The following LY6G6C variants were observed in gnomAD, a reference collection of about 807,000 sequenced individuals.
The protein encoded by LY6G6C is lymphocyte antigen 6 complex locus protein G6c.
Under a neutral mutation model 12.8 loss-of-function variants are expected in LY6G6C, and 12 were observed. That is an observed-to-expected ratio of 0.94 (90% CI 0.60 to 1.52). The LOEUF (loss-of-function observed/expected upper bound fraction) is 1.52. Ranked by LOEUF, LY6G6C falls within the 40% of genes most tolerant of loss-of-function variation. LY6G6C has a pLI of 0.00. For synonymous variants in LY6G6C, 42 were observed against 61.6 expected (o/e 0.68, Z 1.49); for missense variants, 125 against 155.8 (o/e 0.80, Z 1.05).
intron 1 of LY6G6C, 82 bp downstream of exon 1, chr6:31,721,546 G>T: frequency 7.5e-7 from 1 of 1,330,192 alleles, no homozygotes; most frequent in Non-Finnish European, 1.1e-6. Flanking sequence ...CCCGAGTGGT[G>T]GGTAGGGCCG....
intron 2 of LY6G6C, among the ~76,000 whole-genome samples, chr6:31,719,604 T>G (rs1293707528): frequency 3.9e-5 from 6 of 152,158 alleles, no homozygotes; most frequent in African/African-American, 1.4e-4. Context: ...TGGTGCCATC[T>G]CAGCTCACTG....
In LY6G6C at chr6:31,720,855, G is replaced by T. The variant is rs1471088624; in HGVS notation, c.53-652C>A. On this transcript the variant is annotated intron_variant, in intron 1 of 2. Coordinates refer to ENST00000375819, the MANE Select transcript of LY6G6C (RefSeq NM_025261.3). The surrounding 1 kb of genome is among the most constrained non-coding windows in gnomAD (Gnocchi z 4.9). ...CAAAATGGAGAGGGTGGATACAGAA[G>T]GTGGCACCCCAAGTTTCCTGCTTCA... The T allele has an allele frequency of 3.3e-5, 5 of 152,288 alleles. No individual in the cohort carries two copies. The highest frequency in any genetic ancestry group is 4.8e-5 in the African/African-American group (2 of 41,454). 9.4% of individuals were successfully genotyped at this position (152,288 alleles called of 1,614,324 possible).
In LY6G6C at chr6:31,719,265, T is replaced by C. The variant is rs1424271159; in HGVS notation, c.209A>G (p.Glu70Gly). ...TTGGTTGAAGGCCTCCTGACAGGGC[T>C]CTTCTGGTGTGCCACAGCGCAGATT... is the stretch of plus-strand genomic sequence containing the variant. ...FSNLRCGTPE[E>G]PCQEAFNQTN... Residue 70 changes from glutamate to glycine, a missense_variant, in exon 3 of 3, where the codon GAG becomes GGG. Glu to Gly is a moderately conservative substitution (Grantham distance 98). Coordinates refer to ENST00000375819, the MANE Select transcript of LY6G6C (RefSeq NM_025261.3). 1 of 1,614,128 alleles carries C rather than the reference T, an allele frequency of 6.2e-7. No individual in the cohort carries two copies. The highest frequency in any genetic ancestry group is 1.1e-5 in the South Asian group (1 of 91,078).
rs563382034 is a variant in LY6G6C at position 31,718,739 on chromosome 6, T to C, written c.*357A>G. The C allele has an allele frequency of 1.1e-5, 4 of 380,390 alleles. No homozygotes were observed. The South Asian group carries it at 2.4e-4, about 23-fold the overall frequency. The allele number at this position is 380,390 out of a possible 1,614,324, so 23.6% of individuals were successfully genotyped here. ...GCCTGGGTTTGGGGAGTCAGCTCTG[T>C]ACAGTGAGGTCATCAGGTCCTTGTG... On this transcript the variant is annotated 3_prime_UTR_variant, in exon 3 of 3. Transcript: ENST00000375819.
intron 2 of LY6G6C, 127 bp downstream of exon 2, chr6:31,719,966 T>C (rs1806696308): frequency 4.6e-6 from 3 of 645,752 alleles, no homozygotes; most frequent in Non-Finnish European, 8.2e-6. Flanking sequence ...ACAACCATCT[T>C]TGGCCAAATA....
In LY6G6C at chr6:31,719,250, G is replaced by T. The variant is rs117894946; in HGVS notation, c.224C>A (p.Ala75Asp). 6 of 1,614,212 alleles carry T rather than the reference G, an allele frequency of 3.7e-6. No individual in the cohort carries two copies. The highest frequency in any genetic ancestry group is 3.4e-6 in the Non-Finnish European group (4 of 1,180,036). Residue 75 changes from alanine (A) to aspartate (D), a missense_variant, in exon 3 of 3, where the codon GCC (alanine) becomes GAC (aspartate). By Grantham distance (126) the Ala-to-Asp change is moderately radical (BLOSUM62 -2). Transcript: ENST00000375819. Reference protein sequence around the residue: ...CGTPEEPCQEAFNQTNRKLGL... With the variant: ...CGTPEEPCQEDFNQTNRKLGL... The stretch of plus-strand genomic sequence containing the variant: ...CAGCTTGCGGTTGGTTTGGTTGAAG[G>T]CCTCCTGACAGGGCTCTTCTGGTGT...
intron 1 of LY6G6C, 27 bp downstream of exon 1, chr6:31,721,601 A>G (rs759142986): frequency 6.2e-7 from 1 of 1,610,568 alleles, no homozygotes; most frequent in Non-Finnish European, 8.5e-7. Context: ...CAGGCAAACC[A>G]GGTCTTTGGG....
intron 2 of LY6G6C, among the ~76,000 whole-genome samples, chr6:31,719,662 G>A (rs1034254749): frequency 1.3e-5 from 2 of 151,964 alleles, no homozygotes; most frequent in Admixed American, 6.6e-5. Flanking sequence ...TCAGCCTCCC[G>A]AGTAGCTGGG....
chr6:31,721,573 G>T, intron 1 of LY6G6C, 55 bp downstream of exon 1: 1 of 1,542,712 alleles, frequency 6.5e-7, no homozygotes, highest in Non-Finnish European at 8.9e-7. Context: ...GGGTAGAGCA[G>T]GGTGTAAAGG....
chr6:31,719,184 C>G lies in LY6G6C; in HGVS notation c.290G>C (p.Cys97Ser). 2 of 1,614,120 alleles carry G rather than the reference C, an allele frequency of 1.2e-6. No homozygotes were observed. The highest frequency in any genetic ancestry group is 1.7e-6 in the Non-Finnish European group (2 of 1,180,016). Residue 97 changes from cysteine (C) to serine (S), a missense_variant, in exon 3 of 3, where the codon TGC becomes TCC. Transcript: ENST00000375819. ...AGTGGGCCGGGGTCCTGCGCTGTTG[C>G]AGTTGTCCTTGTTGCAGCAGGTGGT... Reference protein sequence around the residue: ...YNTTCCNKDNCNSAGPRPTPA... With the variant: ...YNTTCCNKDNSNSAGPRPTPA...
rs745411305 is a variant in LY6G6C, at chr6:31,719,048, G to A, written c.*48C>T. On this transcript the variant is annotated 3_prime_UTR_variant, in exon 3 of 3. Transcript: ENST00000375819. ...GGGGATACAGAGACACAGGGAGAGA[G>A]GCTCAGGCCAAGGCAGGTGGGAGGA... 5.9e-5 allele frequency: 89 copies of A among 1,510,164 alleles called. No individual in the cohort carries two copies. The highest frequency in any genetic ancestry group is 8.1e-5 in the Non-Finnish European group (88 of 1,090,484). The allele number at this position is 1,510,164 out of a possible 1,614,324, so 93.5% of individuals were successfully genotyped here.
At position 31,720,064 on chromosome 6, in the gene LY6G6C, G is replaced by A. The variant is rs753138600; in HGVS notation, c.163+29C>T. On this transcript the variant is annotated intron_variant, in intron 2 of 2. Transcript: ENST00000375819. The surrounding 1 kb of genome is among the most constrained non-coding windows in gnomAD (Gnocchi z 4.9). ...TGGTCATAGAGGCTCCCACCTCCCT[G>A]TTCACCCCACTAAGGAAGGGGATGT... The A allele has an allele frequency of 3.3e-6, 5 of 1,528,330 alleles. No homozygotes were observed. In the South Asian group the frequency reaches 4.5e-5, roughly 14 times the overall value. The allele number at this position is 1,528,330 out of a possible 1,614,324, so 94.7% of individuals were successfully genotyped here.
chr6:31,718,698 T>G lies in LY6G6C; in HGVS notation c.*398A>C. 2 of 256,080 alleles carry G rather than the reference T, an allele frequency of 7.8e-6. No individual in the cohort carries two copies. The highest frequency in any genetic ancestry group is 1.4e-4 in the South Asian group (1 of 7,062). 15.9% of individuals were successfully genotyped at this position (256,080 alleles called of 1,614,324 possible). A position where few individuals can be genotyped will look rare whatever the true frequency, so the allele number is the denominator to read the frequency against. ...AATGGAAAGAGGTGAGTATGGGGGA[T>G]GGGGTACATATGGGAGCCTGGGTTT... On this transcript the variant is annotated 3_prime_UTR_variant, in exon 3 of 3. Transcript: ENST00000375819.
chr6:31,719,640 G>A (rs200685376), intron 2 of LY6G6C, among the ~76,000 whole-genome samples: 21 of 152,182 alleles, frequency 1.4e-4, no homozygotes, highest in Middle Eastern at 3.4e-3. Flanking sequence ...AGGTTCAAGC[G>A]ATTCTCCTGC....
rs762935702 is a variant in LY6G6C at position 31,719,261 on chromosome 6, G to T, written c.213C>A (p.Pro71=). ...TGGTTTGGTTGAAGGCCTCCTGACAGGGCTCTTCTGGTGTGCCACAGCGCA... is the reference window on the plus strand; with the variant it reads ...TGGTTTGGTTGAAGGCCTCCTGACATGGCTCTTCTGGTGTGCCACAGCGCA... ...SNLRCGTPEE[P]CQEAFNQTNR... The change falls in exon 3 of 3, where the codon CCC becomes CCA. Residue 71 remains proline (P), a synonymous_variant. Transcript: ENST00000375819. 2 of 1,614,048 alleles carry T rather than the reference G, an allele frequency of 1.2e-6. No individual in the cohort carries two copies.
Position 31,720,030 on chromosome 6 carries a change from C to T in LY6G6C, c.163+63G>A. The T allele has an allele frequency of 3.5e-6, 4 of 1,136,894 alleles. No individual in the cohort carries two copies. Among genetic ancestry groups the T allele is most frequent in the Non-Finnish European group, 5.3e-6 (4 of 754,520 alleles). The allele number at this position is 1,136,894 out of a possible 1,614,324, so 70.4% of individuals were successfully genotyped here. On this transcript the variant is annotated intron_variant, in intron 2 of 2. Transcript: ENST00000375819. This position sits in a 1 kb window ranked among gnomAD's most constrained non-coding sequence, Gnocchi z 4.9. ...CATCTCAGTCTTAGACCCATTTGGGCCTCAGTCCTGGTCATAGAGGCTCCC... is the reference window on the plus strand; with the variant it reads ...CATCTCAGTCTTAGACCCATTTGGGTCTCAGTCCTGGTCATAGAGGCTCCC...
In LY6G6C at chr6:31,720,129, G is replaced by A. The variant is rs775714624; in HGVS notation, c.127C>T (p.Pro43Ser). 2.2e-5 allele frequency: 36 copies of A among 1,612,928 alleles called. No individual in the cohort carries two copies. Among genetic ancestry groups the A allele is most frequent in the Non-Finnish European group, 3.0e-5 (35 of 1,179,942 alleles). The change falls in exon 2 of 3, where the codon CCA (proline) becomes TCA (serine). Residue 43 changes from proline (P) to serine (S), a missense_variant. Physicochemically the swap from Pro to Ser is moderately conservative, Grantham distance 74. Coordinates refer to ENST00000375819, the MANE Select transcript of LY6G6C (RefSeq NM_025261.3). This position sits in a 1 kb window ranked among gnomAD's most constrained non-coding sequence, Gnocchi z 4.9. ...TGTGTTGTCAGGCATTGCTGTCCTG[G>A]CTCCAGGCGGCAGGACTGCCGGTCC... ...CVDRQSCRLE[P>S]GQQCLTTHAY...
chr6:31,721,442 C>A (rs541347834), intron 1 of LY6G6C, among the ~76,000 whole-genome samples, 186 bp downstream of exon 1: 25 of 151,822 alleles, frequency 1.6e-4, no homozygotes, highest in South Asian at 1.3e-3. Context: ...GGAGACCTGG[C>A]TTTTTGAGAA....
intron 1 of LY6G6C, 95 bp downstream of exon 1, chr6:31,721,533 G>A: frequency 2.6e-6 from 3 of 1,173,966 alleles, no homozygotes; most frequent in Non-Finnish European, 3.7e-6. Context: ...GGGGTGTTGG[G>A]ATCCCGAGTG....
Sources: allele counts gnomAD v4.1 joint callset (sites outside exome capture counted in the v4.1 genomes callset), GRCh38; gene constraint gnomAD v4.1.1; non-coding constraint Gnocchi (gnomAD v3.1); transcripts MANE v1.5; gene names NCBI Gene and HGNC (gene_info 2026-07-23, HGNC 2026-07-21).